DTNA: variants seen among roughly 807,000 people sequenced by gnomAD.
DTNA encodes dystrobrevin alpha.
Under a neutral mutation model 100.7 loss-of-function variants are expected in DTNA, and 43 were observed. The ratio of observed to expected loss-of-function variants is 0.43; its 90% CI spans 0.33 to 0.55. The LOEUF (loss-of-function observed/expected upper bound fraction) is 0.55, where lower values mean the gene tolerates loss of function less well. Ranked by LOEUF, DTNA falls within the 20% of genes least tolerant of loss-of-function variation. The probability of loss-of-function intolerance (pLI) is 0.04; values close to 1 mark genes in which losing one functional copy is unlikely to be tolerated. For synonymous variants in DTNA, 349 were observed against 347.9 expected, an observed-to-expected ratio of 1.00 and a Z score of -0.04; for missense variants, 798 against 953.9, an observed-to-expected ratio of 0.84 and a Z score of 2.15.
Position 34,521,617 on chromosome 18 carries a change from C to T in DTNA, c.-2+28103C>T, listed in dbSNP as rs2042157471. On this transcript the variant is annotated intron_variant, in intron 1 of 19. Coordinates refer to the DTNA transcript ENST00000283365. ...CTATTCCTTGACTTCCGTCCCTCTGCTTCACTGCTGTTCTCTGAATAAGCC... is the reference window on the plus strand; with the variant it reads ...CTATTCCTTGACTTCCGTCCCTCTGTTTCACTGCTGTTCTCTGAATAAGCC... Among the ~76,000 whole-genome samples the T allele has an allele frequency of 2.6e-5, 4 of 152,106 alleles. No individual in the cohort carries two copies. The South Asian group carries it at 8.3e-4, about 32-fold the overall frequency.
At chr18:34,787,066 G>A (rs933804856) in intron 3 of DTNA, among the ~76,000 whole-genome samples, 1 of 152,130 alleles carries the variant, frequency 6.6e-6, no homozygotes, top group East Asian at 1.9e-4. Flanking sequence ...TTTCTAAATA[G>A]CCTGTGTTTT....
chr18:34,801,236 T>C (rs2095198425), intron 4 of DTNA, among the ~76,000 whole-genome samples: 1 of 152,182 alleles, frequency 6.6e-6, no homozygotes, highest in Non-Finnish European at 1.5e-5. Context: ...TTTGCATATA[T>C]TAGCCTGGTT....
intron 1 of DTNA, among the ~76,000 whole-genome samples, chr18:34,546,628 C>T (rs1279860387): frequency 6.6e-6 from 1 of 152,066 alleles, no homozygotes; most frequent in African/African-American, 2.4e-5. Flanking sequence ...AGTCATCAAC[C>T]AAACCTTTAA....
intron 1 of DTNA, among the ~76,000 whole-genome samples, chr18:34,532,748 T>C (rs1470651667): frequency 1.6e-5 from 2 of 128,078 alleles, no homozygotes; most frequent in African/African-American, 6.1e-5. Context: ...TATATGTATA[T>C]TTAAAACATA....
chr18:34,556,786 C>G (rs986345640), intron 1 of DTNA, among the ~76,000 whole-genome samples: 2 of 151,970 alleles, frequency 1.3e-5, no homozygotes, highest in Non-Finnish European at 2.9e-5. Flanking sequence ...CAACCTTTCT[C>G]TCTGGCTGCC....
intron 9 of DTNA, chr18:34,825,303 C>T (rs1034173128): frequency 6.2e-7 from 1 of 1,612,998 alleles, no homozygotes; most frequent in Non-Finnish European, 8.5e-7. Flanking sequence ...TTCCAGTCTA[C>T]TTACAAAGAT....
intron 1 of DTNA, among the ~76,000 whole-genome samples, chr18:34,673,122 T>C (rs868340115): frequency 3.9e-5 from 6 of 152,306 alleles, no homozygotes; most frequent in South Asian, 4.1e-4. Context: ...GATCTCACTC[T>C]GTCACTCAGG....
chr18:34,657,590 C>A (rs1050383250), intron 1 of DTNA, among the ~76,000 whole-genome samples: 1 of 152,064 alleles, frequency 6.6e-6, no homozygotes, highest in African/African-American at 2.4e-5. Flanking sequence ...TTTAATTTTT[C>A]TTTAAAATAT....
intron 1 of DTNA, among the ~76,000 whole-genome samples, chr18:34,645,503 T>C (rs1044217339): frequency 3.9e-5 from 6 of 152,098 alleles, no homozygotes; most frequent in Non-Finnish European, 8.8e-5. Flanking sequence ...GTAGTATTCC[T>C]TTCCATTCTA....
intron 1 of DTNA, among the ~76,000 whole-genome samples, chr18:34,509,376 C>T (rs554752117): frequency 1.4e-4 from 22 of 152,230 alleles, no homozygotes; most frequent in African/African-American, 5.3e-4. Context: ...AGGAAGTACA[C>T]ACTGTGTCTT....
At chr18:34,833,404 CTG>C (rs58409064) in intron 11 of DTNA, among the ~76,000 whole-genome samples, 20,037 of 144,300 alleles carry the variant, frequency 0.14, 1,340 homozygotes, top group Middle Eastern at 0.17. Context: ...CATTGTGTCA[CTG>C]TGTGTGTGTG....
intron 1 of DTNA, among the ~76,000 whole-genome samples, chr18:34,494,381 G>A (rs2038943171): frequency 6.6e-6 from 1 of 150,868 alleles, no homozygotes. Context: ...CGGCGGGGGC[G>A]GGTGGGCACG....
intron 9 of DTNA, among the ~76,000 whole-genome samples, chr18:34,825,908 A>G (rs951525147): frequency 9.9e-5 from 15 of 152,196 alleles, no homozygotes; most frequent in African/African-American, 3.6e-4. Flanking sequence ...CTGTTTTAAA[A>G]TCTAACAGAC....
At chr18:34,564,289 C>G (rs180929930) in intron 1 of DTNA, among the ~76,000 whole-genome samples, 9 of 152,068 alleles carry the variant, frequency 5.9e-5, no homozygotes, top group Non-Finnish European at 1.0e-4. Context: ...ATTACAGGCA[C>G]GCGCCACTAC....
chr18:34,740,459 TG>T lies in DTNA; in HGVS notation c.-1-15516del, dbSNP rs562296663. Reference sequence around the variant, plus strand: ...CACTTCTTTCCATAAATGCAGACACTGAAGCTGGAATCTGGAACATGTGTTT... The same window carrying T: ...CACTTCTTTCCATAAATGCAGACACTAAGCTGGAATCTGGAACATGTGTTT... On this transcript the variant is annotated intron_variant, in intron 1 of 22. Coordinates refer to ENST00000444659, the MANE Select transcript of DTNA (RefSeq NM_001386795.1). Among the ~76,000 whole-genome samples, 194 of 152,242 alleles carry T rather than the reference TG, an allele frequency of 1.3e-3. 4 individuals are homozygous for T. The South Asian group carries it at 0.036, about 29-fold the overall frequency.
chr18:34,616,871 T>TA (rs1333546729), intron 1 of DTNA, among the ~76,000 whole-genome samples: 1 of 152,202 alleles, frequency 6.6e-6, no homozygotes, highest in African/African-American at 2.4e-5. Flanking sequence ...TTAGGTATTT[T>TA]ATCTTTTGGG....
At chr18:34,734,576 T>A (rs1290366234) in intron 1 of DTNA, among the ~76,000 whole-genome samples, 1 of 152,190 alleles carries the variant, frequency 6.6e-6, no homozygotes, top group Admixed American at 6.5e-5. Context: ...CTACAGGAGA[T>A]AAGACTCTCA....
At chr18:34,537,831 CTT>C (rs1261232240) in intron 1 of DTNA, among the ~76,000 whole-genome samples, 2 of 151,644 alleles carry the variant, frequency 1.3e-5, no homozygotes, top group African/African-American at 4.8e-5. Flanking sequence ...GTAGATTAGA[CTT>C]TGATGAAATG....
At chr18:34,529,464 A>T (rs2042943523) in intron 1 of DTNA, among the ~76,000 whole-genome samples, 1 of 152,108 alleles carries the variant, frequency 6.6e-6, no homozygotes, top group Non-Finnish European at 1.5e-5. Flanking sequence ...ATTCTTCAAG[A>T]TCAAACAAAG....
Sources: gnomAD v4.1 joint callset for allele counts (sites outside exome capture counted in the v4.1 genomes callset) on GRCh38, gnomAD v4.1.1 for gene constraint, MANE v1.5 for transcripts, NCBI Gene and HGNC (gene_info 2026-07-23, HGNC 2026-07-21) for gene names.